The following ERP44 variants were observed in gnomAD, a reference collection of about 807,000 sequenced individuals.
ERP44 encodes endoplasmic reticulum resident protein 44.
Under a neutral mutation model 53.4 loss-of-function variants are expected in ERP44, and 25 were observed. The observed-to-expected ratio is 0.47, with a 90% CI of 0.34 to 0.65. The LOEUF (loss-of-function observed/expected upper bound fraction) is 0.65. Among genes scored for constraint, ERP44 ranks in the 30% least tolerant of loss-of-function variants. The pLI, the probability that ERP44 is intolerant of heterozygous loss-of-function variation, is 0.01. For synonymous variants in ERP44, 145 were observed against 161.2 expected (o/e 0.90, Z 0.76); for missense variants, 338 against 493.2 (o/e 0.69, Z 2.98).
intron 2 of ERP44, among the ~76,000 whole-genome samples, chr9:100,059,252 A>AT (rs1356847574): frequency 4.5e-4 from 68 of 152,306 alleles, no homozygotes; most frequent in Middle Eastern, 3.4e-3. Context: ...CACACTGTAC[A>AT]TTTTCTTAAA....
At chr9:100,087,837 G>A (rs1826503026) in intron 1 of ERP44, among the ~76,000 whole-genome samples, 2 of 151,912 alleles carry the variant, frequency 1.3e-5, no homozygotes, top group Admixed American at 6.6e-5. Flanking sequence ...AAATCCATAC[G>A]CATATGCACA....
intron 4 of ERP44, among the ~76,000 whole-genome samples, chr9:100,046,826 G>GA (rs1454261881): frequency 8.6e-5 from 13 of 151,714 alleles, no homozygotes; most frequent in Admixed American, 8.5e-4. Context: ...AAACAACTCT[G>GA]AAAAAAAAGT....
chr9:100,050,856 A>G (rs1233665393), intron 4 of ERP44, among the ~76,000 whole-genome samples: 1 of 152,268 alleles, frequency 6.6e-6, no homozygotes, highest in Admixed American at 6.5e-5. Context: ...GTTCAAGGAT[A>G]TAAGTATTAA....
intron 10 of ERP44, among the ~76,000 whole-genome samples, chr9:99,996,931 A>G (rs986053264): frequency 3.0e-4 from 6 of 19,828 alleles, no homozygotes; most frequent in Non-Finnish European, 4.5e-4. Context: ...ATGTATATAT[A>G]TACACATACA....
intron 1 of ERP44, among the ~76,000 whole-genome samples, chr9:100,070,570 A>G (rs1290520864): frequency 6.6e-6 from 1 of 152,252 alleles, no homozygotes; most frequent in African/African-American, 2.4e-5. Context: ...ATGTATCCAC[A>G]CTGTTACTGA....
At chr9:100,084,224 C>T (rs961235277) in intron 1 of ERP44, among the ~76,000 whole-genome samples, 1 of 152,162 alleles carries the variant, frequency 6.6e-6, no homozygotes, top group Admixed American at 6.5e-5. Context: ...TCAGACAACA[C>T]GCTCTTCTAT....
intron 6 of ERP44, 98 bp from the exon 7 acceptor site, chr9:100,018,411 T>A: frequency 2.6e-6 from 2 of 772,508 alleles, no homozygotes; most frequent in Non-Finnish European, 4.7e-6. Flanking sequence ...ATCTTCCCTA[T>A]TACAAGACTA....
chr9:100,043,553 G>A (rs1328086285), intron 4 of ERP44, among the ~76,000 whole-genome samples: 1 of 151,794 alleles, frequency 6.6e-6, no homozygotes, highest in African/African-American at 2.4e-5. Flanking sequence ...TCAGGAGTTC[G>A]AGACCAGCCT....
At chr9:100,085,720 T>C (rs1261423379) in intron 1 of ERP44, among the ~76,000 whole-genome samples, 1 of 152,168 alleles carries the variant, frequency 6.6e-6, no homozygotes, top group African/African-American at 2.4e-5. Flanking sequence ...GCCAACATGG[T>C]GAAACCTCGT....
At chr9:99,993,700 G>T (rs1196652082) in intron 10 of ERP44, among the ~76,000 whole-genome samples, 1 of 152,128 alleles carries the variant, frequency 6.6e-6, no homozygotes, top group Non-Finnish European at 1.5e-5. Flanking sequence ...CACAGCAAAA[G>T]AAACTACCAT....
At chr9:100,028,078 A>G (rs565188565) in intron 4 of ERP44, among the ~76,000 whole-genome samples, 9 of 152,348 alleles carry the variant, frequency 5.9e-5, no homozygotes, top group African/African-American at 2.2e-4. Flanking sequence ...TTACTATGAT[A>G]TTTATATATA....
At chr9:100,028,945 T>C (rs188338515) in intron 4 of ERP44, among the ~76,000 whole-genome samples, 106 of 152,312 alleles carry the variant, frequency 7.0e-4, no homozygotes, top group African/African-American at 2.4e-3. Flanking sequence ...ATTTTTAAAA[T>C]CTATTTCTGA....
At chr9:100,090,947 TTTC>T (rs1306147015) in intron 1 of ERP44, among the ~76,000 whole-genome samples, 1 of 152,186 alleles carries the variant, frequency 6.6e-6, no homozygotes, top group African/African-American at 2.4e-5. Flanking sequence ...TAACAACCTT[TTTC>T]TAAAATTTCT....
At position 100,098,862 on chromosome 9, in the gene ERP44, A is replaced by G. The variant is rs751200735; in HGVS notation, c.-22T>C. ...GCATGGTAACGCTGGGGTCCGTGAC[A>G]GGGACAGGCGCTGGCGGCTGGGACT... On this transcript the variant is annotated 5_prime_UTR_variant, in exon 1 of 12. Transcript: ENST00000262455. The G allele has an allele frequency of 6.2e-7, 1 of 1,610,638 alleles. No homozygotes were observed. The highest frequency in any genetic ancestry group is 8.5e-7 in the Non-Finnish European group (1 of 1,177,544).
chr9:100,061,485 T>C (rs994023357), intron 1 of ERP44, among the ~76,000 whole-genome samples: 3 of 147,074 alleles, frequency 2.0e-5, no homozygotes, highest in Non-Finnish European at 4.5e-5. Context: ...TTATAAAATA[T>C]GTATAAATAT....
intron 11 of ERP44, among the ~76,000 whole-genome samples, chr9:99,983,783 C>T (rs1830172478): frequency 6.6e-6 from 1 of 152,134 alleles, no homozygotes; most frequent in African/African-American, 2.4e-5. Flanking sequence ...TTTCCCAATA[C>T]ATTTTTAATT....
intron 10 of ERP44, among the ~76,000 whole-genome samples, chr9:99,991,684 T>C (rs1256138549): frequency 6.6e-6 from 1 of 150,828 alleles, no homozygotes; most frequent in South Asian, 2.1e-4. Context: ...ATGGAGGAGA[T>C]AGAGACACAA....
intron 1 of ERP44, among the ~76,000 whole-genome samples, chr9:100,082,514 A>G (rs2118750163): frequency 6.6e-6 from 1 of 152,222 alleles, no homozygotes; most frequent in African/African-American, 2.4e-5. Context: ...CTGGTTTGGA[A>G]CAACAGGCAG....
At chr9:100,073,098 GGTAACA>G (rs1826322919) in intron 1 of ERP44, among the ~76,000 whole-genome samples, 1 of 152,094 alleles carries the variant, frequency 6.6e-6, no homozygotes, top group Admixed American at 6.5e-5. Context: ...ATTTGGATCT[GGTAACA>G]GTTCATTTCA....
Sources: gnomAD v4.1 joint callset for allele counts (sites outside exome capture counted in the v4.1 genomes callset) on GRCh38, gnomAD v4.1.1 for gene constraint, MANE v1.5 for transcripts, NCBI Gene and HGNC (gene_info 2026-07-23, HGNC 2026-07-21) for gene names.